Variants in ZNF57 observed in about 807,000 individuals in gnomAD.
The protein encoded by ZNF57 is zinc finger protein 424.
A neutral mutation model predicts 13.4 loss-of-function variants in ZNF57; 11 were observed. The ratio of observed to expected loss-of-function variants is 0.82; its 90% CI spans 0.52 to 1.36. The LOEUF (loss-of-function observed/expected upper bound fraction) is 1.36. Among genes scored for constraint, ZNF57 ranks in the 40% most tolerant of loss-of-function variants. ZNF57 has a pLI of 0.00. For missense variants in ZNF57, 696 were observed against 667.5 expected, an observed-to-expected ratio of 1.04 and a Z score of -0.47; for synonymous variants, 224 against 238.5, an observed-to-expected ratio of 0.94 and a Z score of 0.56.
At chr19:2,906,597 G>C (rs2088077324) in intron 1 of ZNF57, among the ~76,000 whole-genome samples, 1 of 152,200 alleles carries the variant, frequency 6.6e-6, no homozygotes, top group Admixed American at 6.5e-5. Flanking sequence ...TAGCTGGCCA[G>C]TAAAGAAACA....
intron 2 of ZNF57, 83 bp from the exon 3 acceptor site, chr19:2,915,995 T>G: frequency 6.8e-7 from 1 of 1,472,502 alleles, no homozygotes; most frequent in Admixed American, 2.1e-5. Context: ...GATGAGGTCC[T>G]CAAAATGCTA....
At chr19:2,913,010 A>G (rs1015163065) in intron 1 of ZNF57, among the ~76,000 whole-genome samples, 1 of 152,004 alleles carries the variant, frequency 6.6e-6, no homozygotes, top group Non-Finnish European at 1.5e-5. Context: ...CTGGAGTGCA[A>G]TGGTGCGATC....
intron 1 of ZNF57, among the ~76,000 whole-genome samples, chr19:2,901,441 G>A (rs979789919): frequency 1.3e-5 from 2 of 152,146 alleles, no homozygotes; most frequent in African/African-American, 2.4e-5. Context: ...CCACAAGGCT[G>A]TTTACTCACT....
rs1484769714 is a variant in ZNF57 at position 2,917,041 on chromosome 19, T to C, written c.420T>C (p.Tyr140=). Residue 140 remains tyrosine (Y), a synonymous_variant, in exon 4 of 4, where the codon TAT becomes TAC. Coordinates refer to ENST00000306908, the MANE Select transcript of ZNF57 (RefSeq NM_173480.3). ...AAGTTTCTGCTGGAGAAAAACCATA[T>C]GAATGCACCAAGTGCAGGACAGTCT... is the stretch of plus-strand genomic sequence containing the variant. The part of the protein sequence containing the change: ...HKKVSAGEKP[Y]ECTKCRTVFT... The C allele has an allele frequency of 1.2e-6, 2 of 1,614,166 alleles. No homozygotes were observed. The highest frequency in any genetic ancestry group is 1.1e-5 in the South Asian group (1 of 91,078).
intron 1 of ZNF57, among the ~76,000 whole-genome samples, chr19:2,901,991 C>T (rs745866536): frequency 6.6e-6 from 1 of 151,818 alleles, no homozygotes; most frequent in Non-Finnish European, 1.5e-5. Flanking sequence ...TTACAAAGTA[C>T]CTTCACAAGG....
intron 1 of ZNF57, among the ~76,000 whole-genome samples, chr19:2,901,449 A>C (rs2088029119): frequency 6.6e-6 from 1 of 152,116 alleles, no homozygotes; most frequent in African/African-American, 2.4e-5. Flanking sequence ...CTGTTTACTC[A>C]CTTGGGTGCA....
At chr19:2,916,539 C>A in intron 3 of ZNF57, 1 of 254,866 alleles carries the variant, frequency 3.9e-6, no homozygotes, top group Non-Finnish European at 7.5e-6. Flanking sequence ...GGTGAAAACC[C>A]GCCTCTACTA....
At chr19:2,905,407 G>GCTCC (rs2088064464) in intron 1 of ZNF57, among the ~76,000 whole-genome samples, 1 of 34,818 alleles carries the variant, frequency 2.9e-5, no homozygotes, top group Admixed American at 3.3e-4. Flanking sequence ...TCAGGTGATC[G>GCTCC]CCCCCCCCCC....
intron 1 of ZNF57, among the ~76,000 whole-genome samples, chr19:2,908,698 C>T (rs1191584831): frequency 1.3e-5 from 2 of 151,960 alleles, no homozygotes; most frequent in Non-Finnish European, 1.5e-5. Context: ...CCACTGCGCC[C>T]GGCCATTGGT....
At chr19:2,915,337 A>G (rs1424773465) in intron 1 of ZNF57, 185 bp from the exon 2 acceptor site, 2 of 697,378 alleles carry the variant, frequency 2.9e-6, no homozygotes, top group Non-Finnish European at 4.6e-6. Flanking sequence ...AGATAAGTTC[A>G]GACTGATAGT....
chr19:2,905,353 T>TG (rs1466822370), intron 1 of ZNF57, among the ~76,000 whole-genome samples: 1 of 133,764 alleles, frequency 7.5e-6, no homozygotes, highest in East Asian at 2.3e-4. Flanking sequence ...TTAGTAGAGA[T>TG]GGGGTTTCAT....
At chr19:2,903,587 GTGTGCTGCTCCCAGCGCTCATCTC>G (rs1199618940) in intron 1 of ZNF57, among the ~76,000 whole-genome samples, 1 of 152,072 alleles carries the variant, frequency 6.6e-6, no homozygotes, top group Non-Finnish European at 1.5e-5. Flanking sequence ...TTCAACACCT[GTGTGCTGCTCCCAGCGCTCATCTC>G]TGTTCTGCCC....
At chr19:2,905,051 G>C (rs967612675) in intron 1 of ZNF57, among the ~76,000 whole-genome samples, 1 of 152,118 alleles carries the variant, frequency 6.6e-6, no homozygotes, top group African/African-American at 2.4e-5. Flanking sequence ...ACTGCCCCTC[G>C]TTTCCAGCAT....
chr19:2,906,031 G>GT (rs978612941), intron 1 of ZNF57, among the ~76,000 whole-genome samples: 127 of 152,230 alleles, frequency 8.3e-4, no homozygotes, highest in African/African-American at 2.9e-3. Flanking sequence ...ATTCGGTAGT[G>GT]TTTTATAATT....
Position 2,918,179 on chromosome 19 carries a change from C to G in ZNF57, c.1558C>G (p.Arg520Gly). 1.2e-6 allele frequency: 2 copies of G among 1,614,184 alleles called. No individual in the cohort carries two copies. The highest frequency in any genetic ancestry group is 1.7e-6 in the Non-Finnish European group (2 of 1,180,048). ...GMSFKWHSSF[R>G]NHLRMHTGQK... ...GTCCTTCAAGTGGCACTCCTCCTTC[C>G]GGAACCATCTGAGGATGCACACAGG... Residue 520 changes from arginine (R) to glycine (G), a missense_variant, in exon 4 of 4, where the codon CGG becomes GGG. Coordinates refer to ENST00000306908, the MANE Select transcript of ZNF57 (RefSeq NM_173480.3).
rs150207654 is a variant in ZNF57, at chr19:2,917,988, C to G, written c.1367C>G (p.Ala456Gly). The change falls in exon 4 of 4, where the codon GCC (alanine) becomes GGC (glycine). Residue 456 changes from alanine (A) to glycine (G), a missense_variant. Physicochemically the swap from Ala to Gly is moderately conservative, Grantham distance 60. Coordinates refer to ENST00000306908, the MANE Select transcript of ZNF57 (RefSeq NM_173480.3). ...CATAAATGTGAACACTGTGGGAAGG[C>G]CTTTACCTCTTCCAGAGCATTCCAA... ...QLHKCEHCGK[A>G]FTSSRAFQGH... The G allele has an allele frequency of 1.7e-5, 28 of 1,613,642 alleles. No individual in the cohort carries two copies. The highest frequency in any genetic ancestry group is 2.4e-5 in the Non-Finnish European group (28 of 1,179,902).
Position 2,900,952 on chromosome 19 carries a change from A to G in ZNF57, c.-94A>G. The G allele has an allele frequency of 1.3e-6, 2 of 1,501,792 alleles. No individual in the cohort carries two copies. The highest frequency in any genetic ancestry group is 1.8e-6 in the Non-Finnish European group (2 of 1,110,104). 93.0% of individuals were successfully genotyped at this position (1,501,792 alleles called of 1,614,324 possible). The stretch of plus-strand genomic sequence containing the variant: ...CCTCCCTGCCGCGCGTGCCCTGCCT[A>G]CCACGAGCGGCCCGGGAGTACCTGT... On this transcript the variant is annotated 5_prime_UTR_variant, in exon 1 of 4. Transcript: ENST00000306908.
intron 1 of ZNF57, among the ~76,000 whole-genome samples, chr19:2,908,820 A>C (rs12608600): frequency 0.44 from 66,952 of 151,704 alleles, 15,166 homozygotes; most frequent in East Asian, 0.63. Flanking sequence ...ATTGCCCCGG[A>C]GCCCCTCCAC....
chr19:2,903,711 C>T (rs1341492943), intron 1 of ZNF57, among the ~76,000 whole-genome samples: 1 of 93,746 alleles, frequency 1.1e-5, no homozygotes, highest in Non-Finnish European at 2.2e-5. Context: ...AATTTTGCCT[C>T]CTTTGAATTT....
Sources: gnomAD v4.1 joint callset for allele counts (sites outside exome capture counted in the v4.1 genomes callset) on GRCh38, gnomAD v4.1.1 for gene constraint, MANE v1.5 for transcripts, NCBI Gene and HGNC (gene_info 2026-07-23, HGNC 2026-07-21) for gene names.